The following PRKCE variants were observed in gnomAD, a reference collection of about 807,000 sequenced individuals.
PRKCE encodes the protein protein kinase C epsilon, also known as protein kinase C epsilon type.
In PRKCE, 16 loss-of-function variants were observed where a neutral mutation model predicts 85.4. The observed-to-expected ratio is 0.19, with a 90% confidence interval of 0.13 to 0.28. PRKCE has a LOEUF of 0.28. Ranked by LOEUF, PRKCE falls within the 10% of genes least tolerant of loss-of-function variation. The probability of loss-of-function intolerance (pLI) is 1.00; values close to 1 mark genes in which losing one functional copy is unlikely to be tolerated. For missense variants in PRKCE, 573 were observed against 975.2 expected (o/e 0.59, Z 5.49); for synonymous variants, 388 against 371.5 (o/e 1.04, Z -0.51).
chr2:45,724,289 G>A (rs1249058295), intron 1 of PRKCE, among the ~76,000 whole-genome samples: 1 of 152,158 alleles, frequency 6.6e-6, no homozygotes, highest in Non-Finnish European at 1.5e-5. Context: ...GTTTTGGAGT[G>A]GCGTGAATTG....
At chr2:45,682,894 G>A (rs532515495) in intron 1 of PRKCE, among the ~76,000 whole-genome samples, 2 of 152,210 alleles carry the variant, frequency 1.3e-5, no homozygotes, top group South Asian at 4.2e-4. Flanking sequence ...TTTCTGCCAC[G>A]GTAAATTGAG....
intron 11 of PRKCE, among the ~76,000 whole-genome samples, chr2:46,122,087 C>T (rs1673365252): frequency 6.6e-6 from 1 of 152,126 alleles, no homozygotes; most frequent in South Asian, 2.1e-4. Flanking sequence ...AACGAAGATA[C>T]AGCATATTCC....
At chr2:45,899,495 C>T (rs1404966083) in intron 2 of PRKCE, among the ~76,000 whole-genome samples, 1 of 151,978 alleles carries the variant, frequency 6.6e-6, no homozygotes, top group African/African-American at 2.4e-5. Flanking sequence ...GATCTCCCCA[C>T]CTCAGCCTCC....
chr2:46,119,193 A>C (rs1673071775), intron 11 of PRKCE, among the ~76,000 whole-genome samples: 1 of 152,164 alleles, frequency 6.6e-6, no homozygotes, highest in Admixed American at 6.5e-5. Context: ...GAAAAAAAAC[A>C]ACCAGCTTGA....
At chr2:45,824,438 C>G (rs1689783686) in intron 1 of PRKCE, among the ~76,000 whole-genome samples, 1 of 152,090 alleles carries the variant, frequency 6.6e-6, no homozygotes, top group Admixed American at 6.5e-5. Context: ...TTAAGCGGGG[C>G]GTGTTGTGTC....
In PRKCE at chr2:46,010,364, G is replaced by C. The variant is rs1432549928; in HGVS notation, c.1284G>C (p.Lys428Asn). The C allele has an allele frequency of 6.3e-7, 1 of 1,596,336 alleles. No individual in the cohort carries two copies. The highest frequency in any genetic ancestry group is 2.2e-5 in the East Asian group (1 of 44,778). Residue 428 changes from lysine (K) to asparagine (N), a missense_variant, in exon 10 of 15, where the codon AAG becomes AAC. Around this residue, in one of 11 missense-constraint regions of PRKCE, gnomAD observed 89 missense variants for 154.1 expected, o/e 0.58. Coordinates refer to ENST00000306156, the MANE Select transcript of PRKCE (RefSeq NM_005400.3). ...SFGKVMLAEL[K>N]GKDEVYAVKV... ...TGCAGGTCATGTTGGCAGAACTCAA[G>C]GGCAAAGATGAAGTATATGCTGTGA...
rs2278773 is a variant in PRKCE at position 46,185,283 on chromosome 2, C to G, written c.*402C>G. The G allele has an allele frequency of 0.017, 2,905 of 174,118 alleles. 32 individuals are homozygous for G. Among genetic ancestry groups the G allele is most frequent in the East Asian group, 0.057 (328 of 5,764 alleles). 10.8% of individuals were successfully genotyped at this position (174,118 alleles called of 1,614,324 possible). A position where few individuals can be genotyped will look rare whatever the true frequency, so the allele number is the denominator to read the frequency against. ...CTGCTATCGGACACAGATCCTGATC[C>G]CTCTTGCTTCTTTTCCCTCCTGCAC... On this transcript the variant is annotated 3_prime_UTR_variant, in exon 15 of 15. Transcript: ENST00000306156. This position sits in a 1 kb window ranked among gnomAD's most constrained non-coding sequence, Gnocchi z 4.7.
chr2:45,987,702 T>C (rs1703450452), intron 6 of PRKCE, among the ~76,000 whole-genome samples: 1 of 152,180 alleles, frequency 6.6e-6, no homozygotes, highest in Admixed American at 6.5e-5. Context: ...GATCCACTCA[T>C]GGTGTTGAGC....
At chr2:45,687,535 C>T (rs1270126135) in intron 1 of PRKCE, among the ~76,000 whole-genome samples, 2 of 152,292 alleles carry the variant, frequency 1.3e-5, no homozygotes, top group East Asian at 3.9e-4. Context: ...TGCACATACC[C>T]ATGAACTCAG....
At chr2:45,891,989 A>G (rs1695756620) in intron 2 of PRKCE, among the ~76,000 whole-genome samples, 1 of 152,098 alleles carries the variant, frequency 6.6e-6, no homozygotes, top group African/African-American at 2.4e-5. Context: ...CAAATCTAAT[A>G]TCTTCCTGTT....
chr2:45,704,916 T>G (rs1323801057), intron 1 of PRKCE, among the ~76,000 whole-genome samples: 1 of 152,236 alleles, frequency 6.6e-6, no homozygotes, highest in East Asian at 1.9e-4. Context: ...TGCTGTATAG[T>G]GTGATCTTAA....
Position 45,894,162 on chromosome 2 carries a change from T to C in PRKCE, c.412+51099T>C, listed in dbSNP as rs77540176. Among the ~76,000 whole-genome samples the C allele has an allele frequency of 0.023, 3,483 of 152,136 alleles. 205 individuals are homozygous for C. In the East Asian group the frequency reaches 0.25, roughly 11 times the overall value. On this transcript the variant is annotated intron_variant, in intron 2 of 14. Transcript: ENST00000306156. ...GTGCATGTCTGTTGACTAGTGGTAA[T>C]GAGAGTTGTTGTGGTATCAGTTTTC... is the stretch of plus-strand genomic sequence containing the variant.
chr2:45,778,215 G>C (rs1685910699), intron 1 of PRKCE, among the ~76,000 whole-genome samples: 1 of 152,166 alleles, frequency 6.6e-6, no homozygotes, highest in African/African-American at 2.4e-5. Context: ...GCAAAGTTTA[G>C]ACTTTGTCTA....
chr2:46,064,419 T>C (rs952155002), intron 10 of PRKCE, among the ~76,000 whole-genome samples: 2 of 152,212 alleles, frequency 1.3e-5, no homozygotes, highest in Admixed American at 6.5e-5. Flanking sequence ...TTCTCAGTAA[T>C]TGGCAATCCC....
At chr2:45,891,351 G>C (rs1250705187) in intron 2 of PRKCE, among the ~76,000 whole-genome samples, 2 of 152,172 alleles carry the variant, frequency 1.3e-5, no homozygotes, top group African/African-American at 4.8e-5. Context: ...AACTAAAAAA[G>C]AAATGGGCAG....
At chr2:45,924,134 C>G (rs904655768) in intron 2 of PRKCE, among the ~76,000 whole-genome samples, 1 of 152,104 alleles carries the variant, frequency 6.6e-6, no homozygotes, top group Non-Finnish European at 1.5e-5. Flanking sequence ...TGCCTTAAAC[C>G]GTCAGGGACT....
In PRKCE at chr2:45,786,516, C is replaced by T. The variant is rs1048331465; in HGVS notation, c.349-56484C>T. On this transcript the variant is annotated intron_variant, in intron 1 of 14. Coordinates refer to ENST00000306156, the MANE Select transcript of PRKCE (RefSeq NM_005400.3). This position sits in a 1 kb window ranked among gnomAD's most constrained non-coding sequence, Gnocchi z 5.3. Reference sequence around the variant, plus strand: ...TCTTTAGTTTCCATCTGCACACTACCTAATTCACTTCAACAAGACCTGAAG... The same window carrying T: ...TCTTTAGTTTCCATCTGCACACTACTTAATTCACTTCAACAAGACCTGAAG... Among the ~76,000 whole-genome samples the T allele has an allele frequency of 2.0e-5, 3 of 152,196 alleles. No homozygotes were observed. Among genetic ancestry groups the T allele is most frequent in the African/African-American group, 7.2e-5 (3 of 41,452 alleles).
chr2:45,806,307 T>C (rs1688239790), intron 1 of PRKCE, among the ~76,000 whole-genome samples: 1 of 152,224 alleles, frequency 6.6e-6, no homozygotes, highest in Non-Finnish European at 1.5e-5. Context: ...GATATGCATG[T>C]CAATGGTGCT....
chr2:45,799,725 T>G (rs776006972), intron 1 of PRKCE, among the ~76,000 whole-genome samples: 4 of 152,374 alleles, frequency 2.6e-5, no homozygotes, highest in Non-Finnish European at 5.9e-5. Flanking sequence ...AGGCTCCTGT[T>G]GTCCCTAGTC....
Sources: gnomAD v4.1 joint callset for allele counts (sites outside exome capture counted in the v4.1 genomes callset) on GRCh38, gnomAD v4.1.1 for gene constraint, gnomAD v4.1.1 regional missense constraint, Gnocchi (gnomAD v3.1) non-coding constraint, MANE v1.5 for transcripts, NCBI Gene and HGNC (gene_info 2026-07-23, HGNC 2026-07-21) for gene names.